The following CLTCL1 variants were observed in gnomAD, a reference collection of about 807,000 sequenced individuals.
CLTCL1 encodes the protein clathrin heavy chain 2.
CLTCL1 carries 159 observed loss-of-function variants against 190.0 expected under a neutral mutation model. The observed-to-expected ratio is 0.84, with a 90% CI of 0.74 to 0.95. CLTCL1 has a LOEUF of 0.95. Among genes scored for constraint, CLTCL1 ranks in the 40% least tolerant of loss-of-function variants. The pLI, the probability that CLTCL1 is intolerant of heterozygous loss-of-function variation, is 0.00. For synonymous variants in CLTCL1, 752 were observed against 769.6 expected, an observed-to-expected ratio of 0.98 and a Z score of 0.38; for missense variants, 1,878 against 2,033.4, an observed-to-expected ratio of 0.92 and a Z score of 1.47.
intron 14 of CLTCL1, 30 bp downstream of exon 14, chr22:19,223,861 C>T (rs782554406): frequency 1.2e-6 from 2 of 1,611,966 alleles, no homozygotes; most frequent in East Asian, 2.2e-5. Flanking sequence ...GCAAGGGCAG[C>T]TCATGGAAGG....
intron 2 of CLTCL1, among the ~76,000 whole-genome samples, chr22:19,256,422 T>C (rs1319907753): frequency 2.8e-5 from 4 of 140,402 alleles, no homozygotes; most frequent in South Asian, 5.0e-4. Flanking sequence ...AGTGGCATCA[T>C]CTCAGCTCAA....
At position 19,226,396 on chromosome 22, in the gene CLTCL1, G is replaced by A. The variant is rs782131555; in HGVS notation, c.1783-13C>T. On this transcript the variant is annotated splice_polypyrimidine_tract_variant and intron_variant, in intron 11 of 32. Transcript: ENST00000427926. ...TGGCATCTGCAACCTATGAAACAGGGAGTTCGGTGAGAAGCCCTGATCAAT... is the reference window on the plus strand; with the variant it reads ...TGGCATCTGCAACCTATGAAACAGGAAGTTCGGTGAGAAGCCCTGATCAAT... 2 of 1,613,824 alleles carry A rather than the reference G, an allele frequency of 1.2e-6. No homozygotes were observed. Among genetic ancestry groups the A allele is most frequent in the Admixed American group, 1.7e-5 (1 of 60,022 alleles).
chr22:19,208,508 G>A (rs1555944368), intron 21 of CLTCL1, among the ~76,000 whole-genome samples, 197 bp from the exon 22 acceptor site: 1 of 152,072 alleles, frequency 6.6e-6, no homozygotes, highest in East Asian at 1.9e-4. Flanking sequence ...GAGGAGGGGA[G>A]GGGCAGAGCC....
At chr22:19,264,304 A>T (rs2087049342) in intron 2 of CLTCL1, among the ~76,000 whole-genome samples, 1 of 152,116 alleles carries the variant, frequency 6.6e-6, no homozygotes, top group Non-Finnish European at 1.5e-5. Context: ...AACAAGTGTT[A>T]GCAAGAATGT....
intron 1 of CLTCL1, among the ~76,000 whole-genome samples, chr22:19,286,106 A>T (rs1247703524): frequency 6.6e-6 from 1 of 152,170 alleles, no homozygotes; most frequent in African/African-American, 2.4e-5. Context: ...TCCTCCTAGG[A>T]CTTAATTCTT....
Position 19,225,537 on chromosome 22 carries a change from A to G in CLTCL1, c.2044T>C (p.Cys682Arg). ...SANIRQNLQL[C>R]VQVASKYHEQ... ...TGGTACTTAGAGGCCACCTGCACAC[A>G]CAGCTGAAGGTTCTGTCTGATGTTA... The change falls in exon 13 of 33, where the codon TGT becomes CGT. Residue 682 changes from cysteine (C) to arginine (R), a missense_variant. Transcript: ENST00000427926. 2.5e-6 allele frequency: 4 copies of G among 1,588,272 alleles called. No individual in the cohort carries two copies. The highest frequency in any genetic ancestry group is 3.4e-6 in the Non-Finnish European group (4 of 1,167,002).
intron 3 of CLTCL1, among the ~76,000 whole-genome samples, chr22:19,246,860 G>C (rs781846582): frequency 1.3e-5 from 2 of 152,088 alleles, no homozygotes; most frequent in Non-Finnish European, 2.9e-5. Flanking sequence ...TTGACTTTTT[G>C]TTGTTGAGTT....
rs113429413 is a variant in CLTCL1, at chr22:19,248,819, T to C, written c.519+5140A>G. Among the ~76,000 whole-genome samples the C allele has an allele frequency of 6.6e-4, 100 of 152,306 alleles. 1 individual carries two copies. The highest frequency in any genetic ancestry group is 2.3e-3 in the African/African-American group (95 of 41,572). On this transcript the variant is annotated intron_variant, in intron 3 of 32. Transcript: ENST00000427926. Reference sequence around the variant, plus strand: ...GCCTGCCTCAGCCTCCCTCCCAAAGTGCTGGGATTACAGGCATGAGCCACT... The same window carrying C: ...GCCTGCCTCAGCCTCCCTCCCAAAGCGCTGGGATTACAGGCATGAGCCACT...
intron 2 of CLTCL1, among the ~76,000 whole-genome samples, chr22:19,262,923 C>T (rs2086998610): frequency 1.4e-5 from 2 of 147,558 alleles, no homozygotes; most frequent in South Asian, 2.2e-4. Flanking sequence ...CCCAGCTACT[C>T]GGGAGGCTGA....
chr22:19,233,666 G>A, intron 7 of CLTCL1, 44 bp from the exon 8 acceptor site: 1 of 1,572,346 alleles, frequency 6.4e-7, no homozygotes, highest in African/African-American at 1.4e-5. Flanking sequence ...GTAATCACAG[G>A]GGATCCCTTC....
intron 1 of CLTCL1, among the ~76,000 whole-genome samples, chr22:19,283,864 C>T (rs1237144414): frequency 4.6e-5 from 7 of 151,934 alleles, no homozygotes; most frequent in South Asian, 4.2e-4. Flanking sequence ...TGGTGGCACA[C>T]GCCTGTGGTC....
chr22:19,186,446 T>C (rs1555928354), intron 29 of CLTCL1, among the ~76,000 whole-genome samples: 1 of 152,122 alleles, frequency 6.6e-6, no homozygotes, highest in Non-Finnish European at 1.5e-5. Context: ...GGTCTGAGAA[T>C]GATACTAAGA....
intron 10 of CLTCL1, among the ~76,000 whole-genome samples, chr22:19,231,511 G>A (rs1051427816): frequency 6.6e-6 from 1 of 152,196 alleles, no homozygotes; most frequent in Admixed American, 6.5e-5. Context: ...CAAAGCAGCT[G>A]ATACTTGATA....
intron 27 of CLTCL1, among the ~76,000 whole-genome samples, chr22:19,190,970 G>A (rs1300042189): frequency 6.6e-6 from 1 of 152,160 alleles, no homozygotes; most frequent in East Asian, 1.9e-4. Flanking sequence ...TAGAGACGGG[G>A]TTTCACCGTG....
At chr22:19,269,437 C>G (rs548875598) in intron 2 of CLTCL1, among the ~76,000 whole-genome samples, 1 of 152,218 alleles carries the variant, frequency 6.6e-6, no homozygotes, top group East Asian at 1.9e-4. Context: ...TCATATGATC[C>G]AGCAATTCTA....
chr22:19,276,046 A>G (rs921150830), intron 1 of CLTCL1, among the ~76,000 whole-genome samples: 5 of 152,168 alleles, frequency 3.3e-5, no homozygotes, highest in African/African-American at 1.2e-4. Flanking sequence ...CACAGTGGAG[A>G]TAAGACATGT....
At chr22:19,191,201 C>T in intron 27 of CLTCL1, 103 bp downstream of exon 27, 3 of 1,408,420 alleles carry the variant, frequency 2.1e-6, no homozygotes, top group Non-Finnish European at 2.9e-6. Flanking sequence ...TTCAAGTCAG[C>T]TGGGGGTCAT....
At chr22:19,195,732 C>T (rs1403350839) in intron 26 of CLTCL1, among the ~76,000 whole-genome samples, 1 of 152,150 alleles carries the variant, frequency 6.6e-6, no homozygotes, top group African/African-American at 2.4e-5. Flanking sequence ...CACCCAAACC[C>T]GACACCACCC....
At chr22:19,289,378 TG>T (rs1443638595) in intron 1 of CLTCL1, among the ~76,000 whole-genome samples, 3 of 152,194 alleles carry the variant, frequency 2.0e-5, no homozygotes, top group African/African-American at 7.2e-5. Flanking sequence ...GGTTAAAAAA[TG>T]TAAGAATATG....
Sources: allele counts gnomAD v4.1 joint callset (sites outside exome capture counted in the v4.1 genomes callset), GRCh38; gene constraint gnomAD v4.1.1; transcripts MANE v1.5; gene names NCBI Gene and HGNC (gene_info 2026-07-23, HGNC 2026-07-21).